Variants in ROBO2 observed in about 807,000 individuals in gnomAD.
ROBO2 encodes roundabout guidance receptor 2.
ROBO2 carries 53 observed loss-of-function variants against 160.8 expected under a neutral mutation model. The observed-to-expected ratio is 0.33, with a 90% CI of 0.26 to 0.41. The LOEUF (loss-of-function observed/expected upper bound fraction) is 0.41. Among genes scored for constraint, ROBO2 ranks in the 10% least tolerant of loss-of-function variants. ROBO2 has a pLI of 1.00. For synonymous variants in ROBO2, 664 were observed against 611.7 expected (o/e 1.09, Z -1.26); for missense variants, 1,577 against 1,722.4 (o/e 0.92, Z 1.49).
intron 2 of ROBO2, among the ~76,000 whole-genome samples, chr3:76,449,683 T>A (rs1428108762): frequency 6.6e-6 from 1 of 152,162 alleles, no homozygotes; most frequent in Non-Finnish European, 1.5e-5. Flanking sequence ...TTTTGCATTA[T>A]CTATGATATA....
At chr3:75,975,119 G>A (rs896710123) in intron 2 of ROBO2, among the ~76,000 whole-genome samples, 1 of 151,318 alleles carries the variant, frequency 6.6e-6, no homozygotes, top group African/African-American at 2.4e-5. Context: ...ATTAGAATTG[G>A]CTAGATATAA....
chr3:76,299,221 C>T (rs1436389363), intron 2 of ROBO2, among the ~76,000 whole-genome samples: 1 of 152,006 alleles, frequency 6.6e-6, no homozygotes, highest in Non-Finnish European at 1.5e-5. Flanking sequence ...GAAAAAATAA[C>T]CAAAGACATC....
chr3:76,512,441 G>A (rs928699491), intron 2 of ROBO2, among the ~76,000 whole-genome samples: 1 of 151,838 alleles, frequency 6.6e-6, no homozygotes, highest in African/African-American at 2.4e-5. Context: ...CAGGTATTCT[G>A]GCGATGCTAC....
intron 2 of ROBO2, among the ~76,000 whole-genome samples, chr3:76,808,815 G>A (rs779783470): frequency 2.0e-5 from 3 of 152,040 alleles, no homozygotes; most frequent in East Asian, 1.9e-4. Flanking sequence ...GCCAAGTATA[G>A]TCATTATATT....
At chr3:76,246,121 A>G (rs1705602978) in intron 2 of ROBO2, among the ~76,000 whole-genome samples, 1 of 152,128 alleles carries the variant, frequency 6.6e-6, no homozygotes, top group African/African-American at 2.4e-5. Context: ...TTGTTAGTGA[A>G]GAAGTTTTTT....
chr3:76,227,940 A>C (rs572720774), intron 2 of ROBO2, among the ~76,000 whole-genome samples: 1 of 152,340 alleles, frequency 6.6e-6, no homozygotes, highest in East Asian at 1.9e-4. Flanking sequence ...TAAAGATATG[A>C]TCTAACCTTT....
chr3:76,466,540 T>C (rs893997372), intron 2 of ROBO2, among the ~76,000 whole-genome samples: 2 of 152,064 alleles, frequency 1.3e-5, no homozygotes, highest in African/African-American at 4.8e-5. Flanking sequence ...GAATGTATGA[T>C]GGTGTACAAT....
chr3:76,789,408 A>T lies in ROBO2; in HGVS notation c.110-308606A>T, dbSNP rs544553098. Among the ~76,000 whole-genome samples the T allele has an allele frequency of 2.0e-5, 3 of 151,654 alleles. No individual in the cohort carries two copies. In the South Asian group the frequency reaches 6.3e-4, roughly 32 times the overall value. ...TACACTTGGAGTTCTTCAAGGAGTTAATGACTGGTGGCTACACACTGTATA... is the reference window on the plus strand; with the variant it reads ...TACACTTGGAGTTCTTCAAGGAGTTTATGACTGGTGGCTACACACTGTATA... On this transcript the variant is annotated intron_variant, in intron 2 of 26. Coordinates refer to the ROBO2 transcript ENST00000487694.
At chr3:76,902,468 A>G (rs2075306689) in intron 2 of ROBO2, among the ~76,000 whole-genome samples, 1 of 152,134 alleles carries the variant, frequency 6.6e-6, no homozygotes, top group Admixed American at 6.6e-5. Flanking sequence ...ATAAAATTCT[A>G]GAAAATATCA....
intron 2 of ROBO2, among the ~76,000 whole-genome samples, chr3:76,521,467 G>A (rs534987912): frequency 6.6e-6 from 1 of 152,284 alleles, no homozygotes; most frequent in South Asian, 2.1e-4. Flanking sequence ...AGAGATGCGG[G>A]AGGTAGGGCA....
chr3:76,434,061 TG>T, intron 2 of ROBO2: 1 of 1,301,906 alleles, frequency 7.7e-7, no homozygotes, highest in Non-Finnish European at 1.1e-6. Context: ...GAGAGGGCAG[TG>T]GGCCTCCTGG....
intron 3 of ROBO2, 145 bp from the exon 4 acceptor site, chr3:77,480,954 A>G: frequency 1.5e-6 from 1 of 671,946 alleles, no homozygotes; most frequent in South Asian, 1.9e-5. Flanking sequence ...AAGAAAACAT[A>G]CCTGCAAATG....
At chr3:76,738,592 C>T (rs2093752501) in intron 2 of ROBO2, among the ~76,000 whole-genome samples, 1 of 152,130 alleles carries the variant, frequency 6.6e-6, no homozygotes, top group African/African-American at 2.4e-5. Context: ...CAGTGAGAAC[C>T]ACTGTGCTAC....
intron 2 of ROBO2, among the ~76,000 whole-genome samples, chr3:76,961,437 C>A (rs145622707): frequency 6.6e-6 from 1 of 151,976 alleles, no homozygotes; most frequent in Non-Finnish European, 1.5e-5. Context: ...ATATCACTAT[C>A]TAAGCCTGTC....
chr3:76,705,961 A>C (rs527571730), intron 2 of ROBO2, among the ~76,000 whole-genome samples: 1 of 152,172 alleles, frequency 6.6e-6, no homozygotes, highest in Non-Finnish European at 1.5e-5. Flanking sequence ...CCAAAGACAG[A>C]ATCCAGTTAT....
At chr3:77,043,768 C>T (rs1341638476) in intron 1 of ROBO2, among the ~76,000 whole-genome samples, 1 of 152,106 alleles carries the variant, frequency 6.6e-6, no homozygotes, top group Non-Finnish European at 1.5e-5. Context: ...CCATATATTA[C>T]ATCAATCTGA....
chr3:76,002,104 T>C (rs1178599616), intron 2 of ROBO2, among the ~76,000 whole-genome samples: 2 of 152,144 alleles, frequency 1.3e-5, no homozygotes, highest in Non-Finnish European at 2.9e-5. Context: ...CAGCAAATAA[T>C]GAGGCGGTAA....
At chr3:76,218,689 C>G (rs1001559933) in intron 2 of ROBO2, among the ~76,000 whole-genome samples, 2 of 152,152 alleles carry the variant, frequency 1.3e-5, no homozygotes, top group Admixed American at 6.5e-5. Flanking sequence ...GAAGAACATT[C>G]CATGCTCATG....
chr3:76,028,672 T>C (rs2066821614), intron 2 of ROBO2, among the ~76,000 whole-genome samples: 1 of 152,028 alleles, frequency 6.6e-6, no homozygotes. Flanking sequence ...ATTCCAGTGG[T>C]GTGAATTTCA....
Sources: allele counts gnomAD v4.1 joint callset (sites outside exome capture counted in the v4.1 genomes callset), GRCh38; gene constraint gnomAD v4.1.1; transcripts MANE v1.5; gene names NCBI Gene and HGNC (gene_info 2026-07-23, HGNC 2026-07-21).